The following MNAT1 variants were observed in gnomAD, a reference collection of about 807,000 sequenced individuals.
The protein encoded by MNAT1 is CDK-activating kinase assembly factor MAT1.
In MNAT1, 43 loss-of-function variants were observed where a neutral mutation model predicts 42.0. That is an observed-to-expected ratio of 1.02 (90% CI 0.80 to 1.32). The LOEUF (loss-of-function observed/expected upper bound fraction) is 1.32, where lower values mean the gene tolerates loss of function less well. Among genes scored for constraint, MNAT1 ranks in the 40% most tolerant of loss-of-function variants. The pLI is 0.00. For synonymous variants in MNAT1, 118 were observed against 120.0 expected (o/e 0.98, Z 0.11); for missense variants, 306 against 350.4 (o/e 0.87, Z 1.01).
Position 60,763,627 on chromosome 14 carries a change from T to G in MNAT1, c.89+28676T>G, listed in dbSNP as rs1057466660. ...GAATGTGCTGTGTGTATCGTCTGCC[T>G]TCCTACTCTAGTGTAAGTCATCAAG... is the stretch of plus-strand genomic sequence containing the variant. On this transcript the variant is annotated intron_variant, in intron 1 of 7. Transcript: ENST00000261245. 3.3e-5 allele frequency among the ~76,000 whole-genome samples: 5 copies of G among 152,310 alleles called. No individual in the cohort carries two copies. The South Asian group carries it at 1.0e-3, about 32-fold the overall frequency.
chr14:60,855,424 T>C (rs2033932141), intron 6 of MNAT1, among the ~76,000 whole-genome samples: 1 of 152,136 alleles, frequency 6.6e-6, no homozygotes, highest in African/African-American at 2.4e-5. Flanking sequence ...ATTTTGTGTC[T>C]GAAACCCAGG....
At chr14:60,832,916 G>A (rs1205840677) in intron 6 of MNAT1, among the ~76,000 whole-genome samples, 2 of 151,986 alleles carry the variant, frequency 1.3e-5, no homozygotes, top group African/African-American at 2.4e-5. Flanking sequence ...TATATTCCTA[G>A]GTATTTTATT....
At chr14:60,913,670 C>G (rs1178886988) in intron 7 of MNAT1, among the ~76,000 whole-genome samples, 1 of 152,160 alleles carries the variant, frequency 6.6e-6, no homozygotes, top group African/African-American at 2.4e-5. Flanking sequence ...ATGCTGCTGC[C>G]TGATCATTCC....
intron 4 of MNAT1, among the ~76,000 whole-genome samples, chr14:60,811,187 A>T (rs2032531869): frequency 6.6e-6 from 1 of 151,492 alleles, no homozygotes; most frequent in Admixed American, 6.6e-5. Flanking sequence ...TGTTCAATCC[A>T]TATTTGGTCA....
chr14:60,800,471 C>T (rs188529641), intron 3 of MNAT1, among the ~76,000 whole-genome samples: 1 of 152,010 alleles, frequency 6.6e-6, no homozygotes, highest in Non-Finnish European at 1.5e-5. Flanking sequence ...GTCTAGGAGT[C>T]CAAGGCTACA....
At chr14:60,735,849 G>A (rs1896290659) in intron 1 of MNAT1, among the ~76,000 whole-genome samples, 1 of 152,230 alleles carries the variant, frequency 6.6e-6, no homozygotes, top group African/African-American at 2.4e-5. Flanking sequence ...ATAAAAAGGT[G>A]CCATGTAATG....
Position 60,783,079 on chromosome 14 carries a change from G to A in MNAT1, c.90-13138G>A, listed in dbSNP as rs576558365. ...TTCGTAGGTGATGATAATGAATTTG[G>A]TATGACCTTTAGATTTGCCATAGAG... is the stretch of plus-strand genomic sequence containing the variant. On this transcript the variant is annotated intron_variant, in intron 1 of 7. Coordinates refer to ENST00000261245, the MANE Select transcript of MNAT1 (RefSeq NM_002431.4). Among the ~76,000 whole-genome samples the A allele has an allele frequency of 2.2e-4, 33 of 152,250 alleles. No individual in the cohort carries two copies. In the South Asian group the frequency reaches 6.8e-3, roughly 32 times the overall value.
intron 7 of MNAT1, among the ~76,000 whole-genome samples, chr14:60,883,059 G>A (rs1189686092): frequency 2.0e-5 from 3 of 151,806 alleles, no homozygotes; most frequent in Admixed American, 6.6e-5. Flanking sequence ...CGATTTCTTC[G>A]CTTTGCAGAA....
At chr14:60,839,329 A>G (rs1306712206) in intron 6 of MNAT1, among the ~76,000 whole-genome samples, 3 of 152,184 alleles carry the variant, frequency 2.0e-5, no homozygotes, top group Non-Finnish European at 4.4e-5. Flanking sequence ...AGCTGTGGAA[A>G]GGAGCTATCC....
At chr14:60,849,197 A>T (rs972614136) in intron 6 of MNAT1, among the ~76,000 whole-genome samples, 1 of 152,198 alleles carries the variant, frequency 6.6e-6, no homozygotes, top group Non-Finnish European at 1.5e-5. Context: ...CTTACATGCT[A>T]TTTTGGAGAA....
At chr14:60,778,332 G>C (rs1190945767) in intron 1 of MNAT1, among the ~76,000 whole-genome samples, 2 of 152,132 alleles carry the variant, frequency 1.3e-5, no homozygotes, top group African/African-American at 4.8e-5. Flanking sequence ...CTGGTTCCTA[G>C]TTTTGTAATT....
intron 1 of MNAT1, among the ~76,000 whole-genome samples, chr14:60,787,703 A>G (rs952160277): frequency 3.3e-5 from 5 of 152,218 alleles, no homozygotes; most frequent in African/African-American, 1.2e-4. Flanking sequence ...TGTCATTTCA[A>G]CAGTGTTCAC....
chr14:60,799,490 G>T (rs2032132041), intron 3 of MNAT1: 1 of 795,450 alleles, frequency 1.3e-6, no homozygotes, highest in Non-Finnish European at 1.5e-6. Context: ...TAAAGGTAAT[G>T]TGATTAGTCA....
intron 6 of MNAT1, among the ~76,000 whole-genome samples, chr14:60,840,935 G>C (rs976879057): frequency 1.3e-5 from 2 of 152,144 alleles, no homozygotes; most frequent in African/African-American, 4.8e-5. Context: ...AAGGTGCTGG[G>C]ATTACAGGCA....
chr14:60,908,112 A>G (rs1226743045), intron 7 of MNAT1, among the ~76,000 whole-genome samples: 1 of 152,142 alleles, frequency 6.6e-6, no homozygotes, highest in Non-Finnish European at 1.5e-5. Context: ...TCAAAGCTCA[A>G]AACAAATTAT....
intron 7 of MNAT1, among the ~76,000 whole-genome samples, chr14:60,932,026 A>G (rs1417533542): frequency 6.6e-6 from 1 of 151,956 alleles, no homozygotes; most frequent in African/African-American, 2.4e-5. Flanking sequence ...TACTCTTACT[A>G]ATTTTTTCTG....
chr14:60,840,488 G>T (rs1011634331), intron 6 of MNAT1, among the ~76,000 whole-genome samples: 3 of 152,178 alleles, frequency 2.0e-5, no homozygotes, highest in Non-Finnish European at 4.4e-5. Flanking sequence ...GCCTTACTCA[G>T]TCATTGGCTG....
chr14:60,854,472 T>C (rs2033905131), intron 6 of MNAT1, among the ~76,000 whole-genome samples: 1 of 152,210 alleles, frequency 6.6e-6, no homozygotes, highest in Non-Finnish European at 1.5e-5. Context: ...TGATGACCTT[T>C]GGATGGGGTT....
chr14:60,844,188 A>G (rs2033623574), intron 6 of MNAT1, among the ~76,000 whole-genome samples: 2 of 152,180 alleles, frequency 1.3e-5, no homozygotes, highest in South Asian at 2.1e-4. Flanking sequence ...AAGTGTTCCA[A>G]TTCTTTTTCT....
Sources: allele counts gnomAD v4.1 joint callset (sites outside exome capture counted in the v4.1 genomes callset), GRCh38; gene constraint gnomAD v4.1.1; transcripts MANE v1.5; gene names NCBI Gene and HGNC (gene_info 2026-07-23, HGNC 2026-07-21).